Variants in DNAH9 observed in about 807,000 individuals in gnomAD.
DNAH9 encodes dynein axonemal heavy chain 9.
DNAH9 carries 345 observed loss-of-function variants against 471.6 expected under a neutral mutation model. The ratio of observed to expected loss-of-function variants is 0.73; its 90% CI spans 0.67 to 0.80. The LOEUF (loss-of-function observed/expected upper bound fraction) is 0.80. Among genes scored for constraint, DNAH9 ranks in the 30% least tolerant of loss-of-function variants. The probability of loss-of-function intolerance (pLI) is 0.00; values close to 1 mark genes in which losing one functional copy is unlikely to be tolerated. For synonymous variants in DNAH9, 2,093 were observed against 2,123.6 expected (o/e 0.99, Z 0.40); for missense variants, 5,407 against 5,609.2 (o/e 0.96, Z 1.15).
At chr17:11,720,784 C>A (rs1363265966) in intron 27 of DNAH9, among the ~76,000 whole-genome samples, 1 of 152,144 alleles carries the variant, frequency 6.6e-6, no homozygotes, top group African/African-American at 2.4e-5. Flanking sequence ...GTAAACAAAG[C>A]AAGGATCTAG....
chr17:11,845,610 A>G (rs977087911), intron 49 of DNAH9, among the ~76,000 whole-genome samples: 9 of 142,284 alleles, frequency 6.3e-5, no homozygotes, highest in Non-Finnish European at 4.6e-5. Context: ...GAACTAGTTT[A>G]CAGTCCCACC....
intron 48 of DNAH9, among the ~76,000 whole-genome samples, chr17:11,830,972 A>G (rs1316283434): frequency 6.6e-6 from 1 of 152,214 alleles, no homozygotes; most frequent in Non-Finnish European, 1.5e-5. Flanking sequence ...AGTTACCAGA[A>G]TAAAGGTGAA....
At chr17:11,632,142 C>T (rs2073080646) in intron 7 of DNAH9, among the ~76,000 whole-genome samples, 1 of 152,130 alleles carries the variant, frequency 6.6e-6, no homozygotes, top group African/African-American at 2.4e-5. Context: ...GCTTTCTTTC[C>T]TCCTAATGGC....
intron 38 of DNAH9, among the ~76,000 whole-genome samples, chr17:11,774,578 A>G (rs1199103324): frequency 6.6e-6 from 1 of 152,176 alleles, no homozygotes; most frequent in Non-Finnish European, 1.5e-5. Context: ...CTTATTCACT[A>G]TCATGAGACC....
intron 26 of DNAH9, among the ~76,000 whole-genome samples, chr17:11,709,412 G>A (rs970599728): frequency 1.3e-5 from 2 of 152,070 alleles, no homozygotes; most frequent in Non-Finnish European, 2.9e-5. Context: ...AAAAAAATTG[G>A]CCTCAACATA....
In DNAH9 at chr17:11,929,848, C is replaced by T. The variant is rs752656308; in HGVS notation, c.11878-18C>T. The stretch of plus-strand genomic sequence containing the variant: ...AGCAGATGCCTGTATTGAGGGGGGG[C>T]TCCTTCCTTCCCACTAGAACATTCA... On this transcript the variant is annotated intron_variant, in intron 62 of 68. Coordinates refer to ENST00000262442, the MANE Select transcript of DNAH9 (RefSeq NM_001372.4). 2 of 1,602,912 alleles carry T rather than the reference C, an allele frequency of 1.2e-6. No homozygotes were observed. The highest frequency in any genetic ancestry group is 1.1e-5 in the South Asian group (1 of 89,406).
At chr17:11,642,552 C>CA (rs200095343) in intron 10 of DNAH9, among the ~76,000 whole-genome samples, 12 of 150,578 alleles carry the variant, frequency 8.0e-5, no homozygotes, top group East Asian at 3.9e-4. Flanking sequence ...AACTCCATCT[C>CA]AAAAAAAAAG....
intron 26 of DNAH9, among the ~76,000 whole-genome samples, chr17:11,709,558 G>A (rs190365083): frequency 6.6e-5 from 10 of 152,210 alleles, no homozygotes; most frequent in East Asian, 1.9e-4. Context: ...AAGCTCACCC[G>A]TTTTACAGTA....
chr17:11,799,784 G>A (rs182873762), intron 43 of DNAH9, among the ~76,000 whole-genome samples: 3 of 152,206 alleles, frequency 2.0e-5, no homozygotes, highest in Admixed American at 6.5e-5. Context: ...AGGGTTAAAC[G>A]ATGTTGGCCA....
chr17:11,731,830 C>T (rs1008175304), intron 28 of DNAH9, among the ~76,000 whole-genome samples: 6 of 152,016 alleles, frequency 3.9e-5, no homozygotes, highest in East Asian at 1.9e-4. Context: ...TCCAAGTCTT[C>T]GCTATTGTGA....
intron 58 of DNAH9, among the ~76,000 whole-genome samples, chr17:11,893,268 C>T (rs1024398462): frequency 2.0e-5 from 3 of 151,892 alleles, no homozygotes; most frequent in Admixed American, 2.0e-4. Flanking sequence ...CTGTACACAG[C>T]TCACTAATTC....
intron 35 of DNAH9, among the ~76,000 whole-genome samples, chr17:11,759,566 A>T (rs1404942229): frequency 1.7e-5 from 2 of 117,948 alleles, no homozygotes; most frequent in African/African-American, 6.5e-5. Context: ...TCTGTCACCC[A>T]GGCTGGAGTG....
intron 50 of DNAH9, among the ~76,000 whole-genome samples, chr17:11,862,607 G>A (rs1379556141): frequency 6.6e-6 from 1 of 151,892 alleles, no homozygotes; most frequent in East Asian, 1.9e-4. Context: ...AAATTACCTT[G>A]GGCAGTGTGG....
chr17:11,617,459 G>A lies in DNAH9; in HGVS notation c.953G>A (p.Arg318His), dbSNP rs372546835. ...CATGTGCACCTGATACCGCTCCAGC[G>A]CCACCTGGAAGCTCTGGAGAATGCA... Reference protein sequence around the residue: ...DIHVHLIPLQRHLEALENAEF... With the variant: ...DIHVHLIPLQHHLEALENAEF... The change falls in exon 5 of 69, where the codon CGC (arginine) becomes CAC (histidine). Residue 318 changes from arginine (R) to histidine (H), a missense_variant. Arg to His is a conservative substitution (Grantham distance 29). This residue lies in a region of DNAH9 where 767 missense variants were observed against 692.5 expected (regional missense o/e 1.11). Coordinates refer to ENST00000262442, the MANE Select transcript of DNAH9 (RefSeq NM_001372.4). The A allele has an allele frequency of 3.9e-5, 63 of 1,614,118 alleles. No homozygotes were observed. Among genetic ancestry groups the A allele is most frequent in the African/African-American group, 2.8e-4 (21 of 75,024 alleles).
Position 11,690,454 on chromosome 17 carries a change from C to A in DNAH9, c.4614+18C>A, listed in dbSNP as rs1328377885. On this transcript the variant is annotated intron_variant, in intron 20 of 68. Transcript: ENST00000262442. ...TACCCCAGGTACCTGCTAAGGAAAT[C>A]TAGAATCTCTCTATTCTCTGATCCA... 4.4e-6 allele frequency: 7 copies of A among 1,605,020 alleles called. No homozygotes were observed. In the South Asian group the frequency reaches 6.7e-5, roughly 15 times the overall value.
chr17:11,864,034 T>A (rs944122610), intron 50 of DNAH9, among the ~76,000 whole-genome samples: 5 of 151,496 alleles, frequency 3.3e-5, no homozygotes. Context: ...AGTTCTGCTC[T>A]GATTTTAGTT....
intron 13 of DNAH9, 125 bp from the exon 14 acceptor site, chr17:11,652,636 A>G: frequency 1.1e-6 from 1 of 914,798 alleles, no homozygotes. Context: ...ACGATAATGA[A>G]GTTACCTGTG....
At chr17:11,924,770 C>T (rs1284891858) in intron 62 of DNAH9, among the ~76,000 whole-genome samples, 4 of 151,846 alleles carry the variant, frequency 2.6e-5, no homozygotes, top group East Asian at 1.9e-4. Flanking sequence ...ATTACAGGAG[C>T]GTACCACCAC....
chr17:11,766,755 T>G (rs1278843421), intron 36 of DNAH9, among the ~76,000 whole-genome samples: 2 of 152,074 alleles, frequency 1.3e-5, no homozygotes, highest in Non-Finnish European at 2.9e-5. Context: ...ATGAGGTCCG[T>G]AGTTCAAGAC....
Sources: gnomAD v4.1 joint callset for allele counts (sites outside exome capture counted in the v4.1 genomes callset) on GRCh38, gnomAD v4.1.1 for gene constraint, gnomAD v4.1.1 regional missense constraint, MANE v1.5 for transcripts, NCBI Gene and HGNC (gene_info 2026-07-23, HGNC 2026-07-21) for gene names.